Variants in CCPG1 observed in about 807,000 individuals in gnomAD.
The protein encoded by CCPG1 is cell cycle progression 1.
A neutral mutation model predicts 81.3 loss-of-function variants in CCPG1; 46 were observed. That is an observed-to-expected ratio of 0.57 (90% confidence interval 0.45 to 0.72). The LOEUF (loss-of-function observed/expected upper bound fraction) is 0.72, where lower values mean the gene tolerates loss of function less well. CCPG1 is among the 30% of genes least tolerant of loss of function. The probability of loss-of-function intolerance (pLI) is 0.00; values close to 1 mark genes in which losing one functional copy is unlikely to be tolerated. For missense variants in CCPG1, 902 were observed against 937.6 expected (o/e 0.96, Z 0.50); for synonymous variants, 330 against 305.2 (o/e 1.08, Z -0.85).
chr15:55,407,758 C>G (rs1055350911), intron 1 of CCPG1: 3 of 152,276 alleles, frequency 2.0e-5, no homozygotes, highest in African/African-American at 7.2e-5. Context: ...AATATTTAAT[C>G]TTTCTATTCC....
chr15:55,359,620 T>C lies in CCPG1; in HGVS notation c.2153A>G (p.Asn718Ser). The change falls in exon 8 of 9, where the codon AAT becomes AGT. Residue 718 changes from asparagine (N) to serine (S), a missense_variant. Coordinates refer to ENST00000442196, the MANE Select transcript of CCPG1 (RefSeq NM_001204450.2). ...LRNMKEYEVDNDGVFEKLDEY... is the reference protein window; with the variant it reads ...LRNMKEYEVDSDGVFEKLDEY... The stretch of plus-strand genomic sequence containing the variant: ...ATCCAACTTCTCAAATACTCCATCA[T>C]TATCTACTTCATATTCCTTCATGTT... 2 of 1,613,328 alleles carry C rather than the reference T, an allele frequency of 1.2e-6. No individual in the cohort carries two copies. Among genetic ancestry groups the C allele is most frequent in the Non-Finnish European group, 1.7e-6 (2 of 1,179,690 alleles).
intron 1 of CCPG1, among the ~76,000 whole-genome samples, chr15:55,399,098 T>C (rs551493989): frequency 1.4e-4 from 21 of 152,190 alleles, no homozygotes; most frequent in South Asian, 8.3e-4. Context: ...AAAGTACTTT[T>C]TGAAGACAGA....
chr15:55,371,942 G>C lies in CCPG1; in HGVS notation c.557C>G (p.Ser186Cys), dbSNP rs199668969. ...TAGCCGGTCTTCAGATTCTGAAGCA[G>C]AAACGGTCTTCTTCCTAGCACGGCG... ...RRRRARKKTVSASESEDRLVA... is the reference protein window; with the variant it reads ...RRRRARKKTVCASESEDRLVA... Residue 186 changes from serine to cysteine, a missense_variant, in exon 6 of 9, where the codon TCT becomes TGT. By Grantham distance (112) the Ser-to-Cys change is moderately radical. This residue lies in a region of CCPG1 where 746 missense variants were observed against 728.6 expected (regional missense o/e 1.02). Coordinates refer to ENST00000442196, the MANE Select transcript of CCPG1 (RefSeq NM_001204450.2). 545 of 1,614,202 alleles carry C rather than the reference G, an allele frequency of 3.4e-4. 1 individual carries two copies. The highest frequency in any genetic ancestry group is 3.2e-4 in the Non-Finnish European group (373 of 1,180,030).
At chr15:55,359,456 A>G in intron 8 of CCPG1, 83 bp downstream of exon 8, 4 of 1,504,900 alleles carry the variant, frequency 2.7e-6, no homozygotes, top group Non-Finnish European at 3.5e-6. Context: ...TAACCTTACA[A>G]GAAACTCATC....
At chr15:55,400,203 C>CAA (rs61331208) in intron 1 of CCPG1, among the ~76,000 whole-genome samples, 1,487 of 32,800 alleles carry the variant, frequency 0.045, 110 homozygotes, top group East Asian at 0.083. Context: ...TACTCTACCT[C>CAA]AAAAAAAAAA....
At position 55,364,921 on chromosome 15, in the gene CCPG1, C is replaced by T. The variant is rs1010070785; in HGVS notation, c.828+267G>A. The stretch of plus-strand genomic sequence containing the variant: ...AACAAACTAGCTCTGCCAGTTGCTA[C>T]CTTGAGAAAGTCACTTAACTTTTCT... On this transcript the variant is annotated intron_variant, in intron 7 of 8. Transcript: ENST00000442196. Among the ~76,000 whole-genome samples, 5 of 152,134 alleles carry T rather than the reference C, an allele frequency of 3.3e-5. No individual in the cohort carries two copies. In the South Asian group the frequency reaches 1.0e-3, roughly 31 times the overall value.
intron 3 of CCPG1, among the ~76,000 whole-genome samples, chr15:55,380,100 T>TA (rs374941554): frequency 0.18 from 23,657 of 130,670 alleles, 3,866 homozygotes; most frequent in African/African-American, 0.45. Flanking sequence ...AACTCTGTCT[T>TA]AAAAAAAAAA....
chr15:55,362,741 C>G (rs568835112), intron 7 of CCPG1, among the ~76,000 whole-genome samples: 1 of 152,294 alleles, frequency 6.6e-6, no homozygotes, highest in East Asian at 1.9e-4. Context: ...AATAAGAGAT[C>G]TGTAAAAACT....
At chr15:55,375,689 T>A (rs993651131) in intron 5 of CCPG1, among the ~76,000 whole-genome samples, 1 of 134,710 alleles carries the variant, frequency 7.4e-6, no homozygotes, top group African/African-American at 2.8e-5. Context: ...GAATCTCTAC[T>A]TTTTTTTTTT....
Position 55,360,947 on chromosome 15 carries a change from A to G in CCPG1, c.829-3T>C. 1 of 1,516,454 alleles carries G rather than the reference A, an allele frequency of 6.6e-7. No homozygotes were observed. Among genetic ancestry groups the G allele is most frequent in the South Asian group, 1.3e-5 (1 of 75,822 alleles). The allele number at this position is 1,516,454 out of a possible 1,614,324, so 93.9% of individuals were successfully genotyped here. The stretch of plus-strand genomic sequence containing the variant: ...CTTGCAAGATTTTCTTTCAATGACT[A>G]CATTTTTTTTTGAAAGAGAAGAAAT... On this transcript the variant is annotated splice_region_variant and splice_polypyrimidine_tract_variant and intron_variant, in intron 7 of 8. Coordinates refer to ENST00000442196, the MANE Select transcript of CCPG1 (RefSeq NM_001204450.2).
intron 1 of CCPG1, among the ~76,000 whole-genome samples, chr15:55,405,693 A>G (rs963106183): frequency 4.6e-5 from 7 of 150,802 alleles, no homozygotes; most frequent in African/African-American, 1.7e-4. Flanking sequence ...AGAGCAAGAC[A>G]TCATCTCCAA....
intron 7 of CCPG1, among the ~76,000 whole-genome samples, chr15:55,363,189 A>C (rs1189251523): frequency 6.6e-6 from 1 of 152,090 alleles, no homozygotes; most frequent in Non-Finnish European, 1.5e-5. Flanking sequence ...CTCTACTGAA[A>C]ATGCAAAAAA....
Position 55,355,939 on chromosome 15 carries a change from AT to A in CCPG1, c.*280del, listed in dbSNP as rs2056069557. ...AGCTCTTACACTGAAAGGAAGTCTC[AT>A]TTCATGCACAAAATCTGTTGCATGC... On this transcript the variant is annotated 3_prime_UTR_variant, in exon 9 of 9. Transcript: ENST00000442196. The A allele has an allele frequency of 2.4e-6, 1 of 415,318 alleles. No homozygotes were observed. Among genetic ancestry groups the A allele is most frequent in the African/African-American group, 2.1e-5 (1 of 47,544 alleles). 25.7% of individuals were successfully genotyped at this position (415,318 alleles called of 1,614,324 possible).
chr15:55,380,503 G>C (rs11638008), intron 3 of CCPG1, among the ~76,000 whole-genome samples: 1 of 151,466 alleles, frequency 6.6e-6, no homozygotes, highest in Admixed American at 6.6e-5. Context: ...CACCGTGTTA[G>C]CCAGGATGGT....
chr15:55,400,102 G>C (rs576217943), intron 1 of CCPG1, among the ~76,000 whole-genome samples: 2 of 150,798 alleles, frequency 1.3e-5, no homozygotes, highest in South Asian at 4.2e-4. Flanking sequence ...AGCTACTCGG[G>C]AGGCTGAGGC....
chr15:55,390,377 C>A (rs1455120217), intron 1 of CCPG1, among the ~76,000 whole-genome samples: 1 of 152,194 alleles, frequency 6.6e-6, no homozygotes, highest in African/African-American at 2.4e-5. Context: ...GTCACTCCAC[C>A]TGGTTTTTTC....
intron 7 of CCPG1, among the ~76,000 whole-genome samples, chr15:55,361,654 C>T (rs1046615405): frequency 4.6e-5 from 7 of 150,998 alleles, no homozygotes; most frequent in African/African-American, 1.2e-4. Flanking sequence ...TGCAGTGAGC[C>T]GAGATCGCAC....
chr15:55,364,869 T>C (rs547646460), intron 7 of CCPG1, among the ~76,000 whole-genome samples: 1 of 152,168 alleles, frequency 6.6e-6, no homozygotes, highest in Non-Finnish European at 1.5e-5. Context: ...CGAGACTCCA[T>C]CTCAAATAAA....
rs1339389318 is a variant in CCPG1, at chr15:55,357,242, G to A, written c.2235-833C>T. 11 of 780,514 alleles carry A rather than the reference G, an allele frequency of 1.4e-5. No individual in the cohort carries two copies. The African/African-American group carries it at 2.2e-4, about 16-fold the overall frequency. The allele number at this position is 780,514 out of a possible 1,614,324, so 48.3% of individuals were successfully genotyped here. A position where few individuals can be genotyped will look rare whatever the true frequency, so the allele number is the denominator to read the frequency against. ...TCTCAGTGGTACTACTATCCAACAA[G>A]ATGACCCAACCCAGAAATCTAGAAG... On this transcript the variant is annotated intron_variant, in intron 8 of 8. Transcript: ENST00000442196.
Sources: allele counts gnomAD v4.1 joint callset (sites outside exome capture counted in the v4.1 genomes callset), GRCh38; gene constraint gnomAD v4.1.1; regional missense constraint gnomAD v4.1.1; transcripts MANE v1.5; gene names NCBI Gene and HGNC (gene_info 2026-07-23, HGNC 2026-07-21).